Variants in LRRC4C observed in about 807,000 individuals in gnomAD.
LRRC4C encodes the protein leucine rich repeat containing 4C, also known as leucine-rich repeat-containing protein 4C.
A neutral mutation model predicts 33.6 loss-of-function variants in LRRC4C; 5 were observed. The ratio of observed to expected loss-of-function variants is 0.15; its 90% CI spans 0.08 to 0.31. The LOEUF (loss-of-function observed/expected upper bound fraction) is 0.31. Ranked by LOEUF, LRRC4C falls within the 10% of genes least tolerant of loss-of-function variation. The pLI is 1.00. For synonymous variants in LRRC4C, 329 were observed against 302.0 expected (o/e 1.09, Z -0.93); for missense variants, 560 against 796.7 (o/e 0.70, Z 3.58).
At chr11:41,310,033 C>T (rs1950604391) in intron 1 of LRRC4C, among the ~76,000 whole-genome samples, 1 of 152,212 alleles carries the variant, frequency 6.6e-6, no homozygotes, top group South Asian at 2.1e-4. Flanking sequence ...TCATCCCTTT[C>T]TCTGTCTCAA....
At chr11:40,954,391 T>C (rs1958858112) in intron 1 of LRRC4C, among the ~76,000 whole-genome samples, 1 of 151,878 alleles carries the variant, frequency 6.6e-6, no homozygotes, top group Admixed American at 6.6e-5. Flanking sequence ...TTTGTTTCTA[T>C]AATATTTTGG....
rs1565274694 is a variant in LRRC4C, at chr11:40,987,674, T to TCTCATATATATGA, written c.-495-53952_-495-53951insTCATATATATGAG. 8.5e-3 allele frequency among the ~76,000 whole-genome samples: 237 copies of TCTCATATATATGA among 27,966 alleles called. 2 individuals are homozygous for TCTCATATATATGA. Among genetic ancestry groups the TCTCATATATATGA allele is most frequent in the Non-Finnish European group, 0.016 (203 of 12,618 alleles). 18.3% of individuals were successfully genotyped at this position (27,966 alleles called of 152,430 possible). A position where few individuals can be genotyped will look rare whatever the true frequency, so the allele number is the denominator to read the frequency against. ...ATATCTCATATATATGAGATATAAA[T>TCTCATATATATGA]GATATATATATATATATCTCATATA... On this transcript the variant is annotated intron_variant, in intron 1 of 6. Transcript: ENST00000528697.
intron 2 of LRRC4C, among the ~76,000 whole-genome samples, chr11:40,770,468 A>G (rs985039882): frequency 6.6e-6 from 1 of 152,200 alleles, no homozygotes; most frequent in Non-Finnish European, 1.5e-5. Flanking sequence ...ATGCAGAGCC[A>G]GACCATATCA....
chr11:41,081,650 CA>C (rs1195404172), intron 1 of LRRC4C, among the ~76,000 whole-genome samples: 1 of 151,890 alleles, frequency 6.6e-6, no homozygotes, highest in Non-Finnish European at 1.5e-5. Flanking sequence ...TTGGGGTTTC[CA>C]ATATTTTTCT....
At chr11:40,327,772 A>T (rs1373752319) in intron 3 of LRRC4C, among the ~76,000 whole-genome samples, 2 of 152,104 alleles carry the variant, frequency 1.3e-5, no homozygotes, top group Non-Finnish European at 2.9e-5. Context: ...CTCAAGCGGA[A>T]TTCATAAAAC....
At chr11:40,902,384 C>T (rs1956246597) in intron 2 of LRRC4C, among the ~76,000 whole-genome samples, 1 of 152,072 alleles carries the variant, frequency 6.6e-6, no homozygotes, top group Non-Finnish European at 1.5e-5. Flanking sequence ...CATCTGTCCT[C>T]CTCTTCTCAG....
chr11:41,191,232 C>G lies in LRRC4C; in HGVS notation c.-495-257509G>C, dbSNP rs531959063. Among the ~76,000 whole-genome samples, 6 of 152,266 alleles carry G rather than the reference C, an allele frequency of 3.9e-5. No homozygotes were observed. In the South Asian group the frequency reaches 1.2e-3, roughly 32 times the overall value. On this transcript the variant is annotated intron_variant, in intron 1 of 6. Transcript: ENST00000528697. Reference sequence around the variant, plus strand: ...TAAGCTACGGTTTCTTAGAACCACACTTTGCCTGGAATTTTCTGTCATTTA... The same window carrying G: ...TAAGCTACGGTTTCTTAGAACCACAGTTTGCCTGGAATTTTCTGTCATTTA...
intron 1 of LRRC4C, among the ~76,000 whole-genome samples, chr11:40,976,142 C>T (rs927588794): frequency 2.6e-5 from 4 of 152,112 alleles, no homozygotes; most frequent in South Asian, 2.1e-4. Context: ...CATTATACTG[C>T]GTATGCACTT....
At position 41,448,122 on chromosome 11, in the gene LRRC4C, GTTTT is replaced by G. The variant is rs71063918; in HGVS notation, c.-496+11305_-496+11308del. Reference sequence around the variant, plus strand: ...ACAAACGAGGCTGCTGCACACGTCTGTTTTTTTTTTTTTTTTTTTTGGAGCTTTA... The same window carrying G: ...ACAAACGAGGCTGCTGCACACGTCTGTTTTTTTTTTTTTTTTGGAGCTTTA... On this transcript the variant is annotated intron_variant, in intron 1 of 6. Coordinates refer to ENST00000528697, the MANE Select transcript of LRRC4C (RefSeq NM_001258419.2). Among the ~76,000 whole-genome samples the G allele has an allele frequency of 8.3e-4, 39 of 46,910 alleles. 2 individuals carry two copies. The highest frequency in any genetic ancestry group is 0.021 in the Middle Eastern group (1 of 48). 30.8% of individuals were successfully genotyped at this position (46,910 alleles called of 152,430 possible).
At chr11:41,004,634 A>C (rs79112264) in intron 1 of LRRC4C, among the ~76,000 whole-genome samples, 1 of 152,192 alleles carries the variant, frequency 6.6e-6, no homozygotes, top group Non-Finnish European at 1.5e-5. Flanking sequence ...ACCATGACCT[A>C]CATAGCACAG....
At chr11:41,062,565 G>C (rs1024446843) in intron 1 of LRRC4C, among the ~76,000 whole-genome samples, 3 of 152,114 alleles carry the variant, frequency 2.0e-5, no homozygotes, top group African/African-American at 7.2e-5. Flanking sequence ...AACTCTGCTA[G>C]GTAGCATGGG....
intron 2 of LRRC4C, among the ~76,000 whole-genome samples, chr11:40,735,896 T>A (rs1947839765): frequency 6.6e-6 from 1 of 151,614 alleles, no homozygotes; most frequent in Non-Finnish European, 1.5e-5. Flanking sequence ...GATTTGCATT[T>A]CTCTGATGGC....
chr11:40,561,759 AC>A (rs1957559459), intron 3 of LRRC4C, among the ~76,000 whole-genome samples: 1 of 152,020 alleles, frequency 6.6e-6, no homozygotes, highest in Non-Finnish European at 1.5e-5. Flanking sequence ...GATTAGATAA[AC>A]CTTTCATTGT....
intron 2 of LRRC4C, among the ~76,000 whole-genome samples, chr11:40,887,245 CATA>C (rs1191284959): frequency 2.0e-5 from 3 of 151,578 alleles, no homozygotes; most frequent in African/African-American, 7.3e-5. Flanking sequence ...TTTTTCAAGC[CATA>C]ATGAGACAAT....
intron 1 of LRRC4C, among the ~76,000 whole-genome samples, chr11:41,266,008 G>A (rs1468635815): frequency 1.3e-5 from 2 of 151,920 alleles, no homozygotes; most frequent in Non-Finnish European, 2.9e-5. Flanking sequence ...TATATCACAT[G>A]GTAGCTGGGA....
At chr11:40,766,083 G>GAA (rs57310532) in intron 2 of LRRC4C, among the ~76,000 whole-genome samples, 6 of 138,758 alleles carry the variant, frequency 4.3e-5, no homozygotes, top group East Asian at 2.2e-4. Flanking sequence ...AAAGCAGCAA[G>GAA]AAAAAAAAAA....
chr11:41,067,869 G>C (rs1477051668), intron 1 of LRRC4C, among the ~76,000 whole-genome samples: 1 of 151,996 alleles, frequency 6.6e-6, no homozygotes, highest in East Asian at 1.9e-4. Context: ...AGAACAGAGA[G>C]ACAACGTACT....
intron 1 of LRRC4C, among the ~76,000 whole-genome samples, chr11:41,457,858 T>A (rs1956217617): frequency 6.6e-6 from 1 of 152,160 alleles, no homozygotes; most frequent in Admixed American, 6.6e-5. Context: ...TTTTACCTAC[T>A]TCTCTAAAAT....
chr11:41,422,108 G>A (rs1361072841), intron 1 of LRRC4C, among the ~76,000 whole-genome samples: 4 of 152,046 alleles, frequency 2.6e-5, no homozygotes. Flanking sequence ...TTCCTAGATA[G>A]GAGTGATTAG....
Sources: allele counts gnomAD v4.1 joint callset (sites outside exome capture counted in the v4.1 genomes callset), GRCh38; gene constraint gnomAD v4.1.1; transcripts MANE v1.5; gene names NCBI Gene and HGNC (gene_info 2026-07-23, HGNC 2026-07-21).